CCSER1: variants seen among roughly 807,000 people sequenced by gnomAD.
CCSER1 encodes the protein serine-rich coiled-coil domain-containing protein 1.
CCSER1 carries 41 observed loss-of-function variants against 82.0 expected under a neutral mutation model. The ratio of observed to expected loss-of-function variants is 0.50; its 90% CI spans 0.39 to 0.65. The LOEUF (loss-of-function observed/expected upper bound fraction) is 0.65. Ranked by LOEUF, CCSER1 falls within the 30% of genes least tolerant of loss-of-function variation. The pLI, the probability that CCSER1 is intolerant of heterozygous loss-of-function variation, is 0.00. For missense variants in CCSER1, 1,119 were observed against 1,064.2 expected (o/e 1.05, Z -0.72); for synonymous variants, 414 against 383.9 (o/e 1.08, Z -0.92).
intron 10 of CCSER1, among the ~76,000 whole-genome samples, chr4:91,349,595 C>T (rs1203310713): frequency 6.6e-6 from 1 of 152,058 alleles, no homozygotes; most frequent in East Asian, 1.9e-4. Context: ...AGTTTGTTTA[C>T]TTTATGGTAA....
intron 1 of CCSER1, among the ~76,000 whole-genome samples, chr4:90,202,350 C>A (rs1354337919): frequency 6.6e-6 from 1 of 151,944 alleles, no homozygotes; most frequent in Non-Finnish European, 1.5e-5. Context: ...TTACAGGCAC[C>A]CGTCACCATG....
intron 7 of CCSER1, chr4:90,724,541 TAAC>T (rs763252663): frequency 1.1e-4 from 24 of 221,392 alleles, no homozygotes; most frequent in Middle Eastern, 9.7e-4. Flanking sequence ...GCTATATACA[TAAC>T]AAATACGAAG....
chr4:90,898,539 T>TA (rs1490020719), intron 8 of CCSER1, among the ~76,000 whole-genome samples: 2 of 151,492 alleles, frequency 1.3e-5, no homozygotes, highest in East Asian at 2.0e-4. Flanking sequence ...TCCCCCGCCT[T>TA]GGCCTCCCAA....
At chr4:91,299,265 C>T (rs941482639) in intron 10 of CCSER1, among the ~76,000 whole-genome samples, 2 of 151,932 alleles carry the variant, frequency 1.3e-5, no homozygotes, top group Non-Finnish European at 2.9e-5. Context: ...TAATATGCTA[C>T]ATTTGTGAGG....
intron 10 of CCSER1, among the ~76,000 whole-genome samples, chr4:91,565,383 G>A (rs1326187429): frequency 6.6e-6 from 1 of 152,032 alleles, no homozygotes; most frequent in Non-Finnish European, 1.5e-5. Context: ...GGCTGTTCAG[G>A]CTCTTTTATG....
Position 91,083,626 on chromosome 4 carries a change from A to G in CCSER1, c.2173-2324A>G, listed in dbSNP as rs568341006. Reference sequence around the variant, plus strand: ...TAAAAATGTCAAGGATTTAATGAGAAGTATAAAGAGAAGTATAATATGAGA... The same window carrying G: ...TAAAAATGTCAAGGATTTAATGAGAGGTATAAAGAGAAGTATAATATGAGA... On this transcript the variant is annotated intron_variant, in intron 9 of 10. Transcript: ENST00000509176. Among the ~76,000 whole-genome samples the G allele has an allele frequency of 1.1e-4, 17 of 152,284 alleles. No homozygotes were observed. In the South Asian group the frequency reaches 2.7e-3, roughly 24 times the overall value.
At chr4:90,720,728 T>G (rs1464628854) in intron 6 of CCSER1, among the ~76,000 whole-genome samples, 3 of 152,018 alleles carry the variant, frequency 2.0e-5, no homozygotes, top group Non-Finnish European at 4.4e-5. Flanking sequence ...CCTTTCTTCA[T>G]ATCAAAATGA....
chr4:90,532,947 A>G (rs980630774), intron 5 of CCSER1, among the ~76,000 whole-genome samples: 7 of 151,994 alleles, frequency 4.6e-5, no homozygotes, highest in African/African-American at 1.7e-4. Context: ...GTTACTTTCT[A>G]GTGTGGGACT....
rs534732135 is a variant in CCSER1 at position 90,653,974 on chromosome 4, A to C, written c.1932+25742A>C. 2.6e-4 allele frequency among the ~76,000 whole-genome samples: 40 copies of C among 152,232 alleles called. No homozygotes were observed. In the South Asian group the frequency reaches 8.1e-3, roughly 31 times the overall value. The stretch of plus-strand genomic sequence containing the variant: ...AAGAGGAAGCAAGAACCTTCTTTAC[A>C]TGGTGGCAGGAGAGAGAGAGCAAAG... On this transcript the variant is annotated intron_variant, in intron 6 of 10. Coordinates refer to ENST00000509176, the MANE Select transcript of CCSER1 (RefSeq NM_001145065.2).
chr4:90,491,412 T>A (rs1020393223), intron 5 of CCSER1, among the ~76,000 whole-genome samples: 2 of 152,226 alleles, frequency 1.3e-5, no homozygotes, highest in African/African-American at 4.8e-5. Flanking sequence ...TAAGGAGATT[T>A]TGGCCTGAGA....
At chr4:91,243,903 T>G (rs1374610582) in intron 10 of CCSER1, among the ~76,000 whole-genome samples, 1 of 152,196 alleles carries the variant, frequency 6.6e-6, no homozygotes, top group African/African-American at 2.4e-5. Flanking sequence ...AAGAGGACTT[T>G]GTCTTGAACC....
At chr4:90,700,929 A>G (rs542876159) in intron 6 of CCSER1, among the ~76,000 whole-genome samples, 4 of 152,072 alleles carry the variant, frequency 2.6e-5, no homozygotes, top group African/African-American at 4.8e-5. Context: ...CCCATTCTGT[A>G]GGTTGCCTGT....
In CCSER1 at chr4:91,240,056, A is replaced by C. The variant is rs1210460463; in HGVS notation, c.2217+154062A>C. 5.6e-5 allele frequency among the ~76,000 whole-genome samples: 3 copies of C among 53,892 alleles called. 1 individual carries two copies. Among genetic ancestry groups the C allele is most frequent in the South Asian group, 8.0e-4 (1 of 1,256 alleles). The allele number at this position is 53,892 out of a possible 152,430, so 35.4% of individuals were successfully genotyped here. ...AGTGCACCTGTTTTAGAACACTGAA[A>C]TCTCTACTCATAAAATACATTTTTT... On this transcript the variant is annotated intron_variant, in intron 10 of 10. Coordinates refer to ENST00000509176, the MANE Select transcript of CCSER1 (RefSeq NM_001145065.2).
chr4:90,530,552 G>A (rs1774377639), intron 5 of CCSER1, among the ~76,000 whole-genome samples: 1 of 152,162 alleles, frequency 6.6e-6, no homozygotes, highest in African/African-American at 2.4e-5. Context: ...TTAGCCAAGG[G>A]ATGGAATATT....
At chr4:90,948,696 T>C (rs1355600792) in intron 9 of CCSER1, among the ~76,000 whole-genome samples, 1 of 152,080 alleles carries the variant, frequency 6.6e-6, no homozygotes, top group Non-Finnish European at 1.5e-5. Flanking sequence ...CATGCATTCT[T>C]ATGCTTTGTA....
At chr4:90,806,439 A>G (rs184282450) in intron 7 of CCSER1, among the ~76,000 whole-genome samples, 10 of 152,328 alleles carry the variant, frequency 6.6e-5, no homozygotes, top group South Asian at 2.1e-4. Context: ...GTTCCATTTT[A>G]AACTATTTAA....
intron 10 of CCSER1, among the ~76,000 whole-genome samples, chr4:91,183,633 G>T (rs1472406209): frequency 6.6e-6 from 1 of 151,920 alleles, no homozygotes; most frequent in African/African-American, 2.4e-5. Flanking sequence ...TAAATAAGGA[G>T]TTAGAGTCCG....
intron 7 of CCSER1, among the ~76,000 whole-genome samples, chr4:90,739,418 C>G (rs1319848901): frequency 6.6e-6 from 1 of 152,204 alleles, no homozygotes; most frequent in Non-Finnish European, 1.5e-5. Flanking sequence ...GCAAGCTGTG[C>G]TACCTGGAGT....
At chr4:91,227,338 G>A (rs1237116341) in intron 10 of CCSER1, among the ~76,000 whole-genome samples, 7 of 151,626 alleles carry the variant, frequency 4.6e-5, no homozygotes, top group Non-Finnish European at 8.8e-5. Context: ...GCATAAAATA[G>A]AGTACAAAAA....
Sources: allele counts gnomAD v4.1 joint callset (sites outside exome capture counted in the v4.1 genomes callset), GRCh38; gene constraint gnomAD v4.1.1; transcripts MANE v1.5; gene names NCBI Gene and HGNC (gene_info 2026-07-23, HGNC 2026-07-21).